The following GALNT7 variants were observed in gnomAD, a reference collection of about 807,000 sequenced individuals.
GALNT7 encodes the protein polypeptide N-acetylgalactosaminyltransferase 7.
A neutral mutation model predicts 82.1 loss-of-function variants in GALNT7; 60 were observed. That is an observed-to-expected ratio of 0.73 (90% CI 0.59 to 0.91). The LOEUF is 0.91. Among genes scored for constraint, GALNT7 ranks in the 40% least tolerant of loss-of-function variants. The pLI is 0.00. For missense variants in GALNT7, 660 were observed against 804.2 expected, an observed-to-expected ratio of 0.82 and a Z score of 2.17; for synonymous variants, 243 against 275.1, an observed-to-expected ratio of 0.88 and a Z score of 1.15.
intron 1 of GALNT7, among the ~76,000 whole-genome samples, chr4:173,229,932 T>C (rs1187780764): frequency 6.6e-6 from 1 of 152,152 alleles, no homozygotes; most frequent in Non-Finnish European, 1.5e-5. Context: ...GACTGACACA[T>C]TGGCAGGCTG....
chr4:173,175,057 C>T (rs1396904430), intron 1 of GALNT7, among the ~76,000 whole-genome samples: 1 of 152,128 alleles, frequency 6.6e-6, no homozygotes, highest in African/African-American at 2.4e-5. Flanking sequence ...GAAATTCTAA[C>T]TTGAGTTATT....
chr4:173,292,405 T>A lies in GALNT7; in HGVS notation c.754+131T>A. On this transcript the variant is annotated intron_variant, in intron 3 of 11. Coordinates refer to ENST00000265000, the MANE Select transcript of GALNT7 (RefSeq NM_017423.3). This position sits in a 1 kb window ranked among gnomAD's most constrained non-coding sequence, Gnocchi z 4.8. ...TTGATAGCATCTGTTATCAACAAGT[T>A]GACACTGTGCCAAGCATTGTATGTG... 1 of 592,396 alleles carries A rather than the reference T, an allele frequency of 1.7e-6. No individual in the cohort carries two copies. The highest frequency in any genetic ancestry group is 3.0e-6 in the Non-Finnish European group (1 of 336,908). The allele number at this position is 592,396 out of a possible 1,614,324, so 36.7% of individuals were successfully genotyped here.
intron 2 of GALNT7, among the ~76,000 whole-genome samples, chr4:173,267,563 A>C (rs566688255): frequency 6.6e-6 from 1 of 152,294 alleles, no homozygotes; most frequent in East Asian, 1.9e-4. Context: ...GACCAGCTTC[A>C]CAGGACCAGG....
intron 1 of GALNT7, among the ~76,000 whole-genome samples, chr4:173,174,047 T>C (rs148566198): frequency 4.0e-4 from 61 of 152,296 alleles, no homozygotes; most frequent in African/African-American, 1.3e-3. Flanking sequence ...AGCTATCACT[T>C]AGTGAAAGTG....
chr4:173,191,609 A>T (rs1732631504), intron 1 of GALNT7, among the ~76,000 whole-genome samples: 1 of 152,204 alleles, frequency 6.6e-6, no homozygotes, highest in South Asian at 2.1e-4. Flanking sequence ...CTGTGACAGA[A>T]ATTAGAGATG....
intron 2 of GALNT7, among the ~76,000 whole-genome samples, chr4:173,262,103 C>A (rs937329832): frequency 6.6e-6 from 1 of 152,076 alleles, no homozygotes; most frequent in Admixed American, 6.5e-5. Flanking sequence ...TCAGTCTATG[C>A]CCCTGGGTTG....
intron 1 of GALNT7, among the ~76,000 whole-genome samples, chr4:173,224,217 T>C (rs1274490747): frequency 6.6e-6 from 1 of 152,234 alleles, no homozygotes; most frequent in Non-Finnish European, 1.5e-5. Flanking sequence ...GACTACAGTT[T>C]CTTCTAAAAA....
intron 1 of GALNT7, among the ~76,000 whole-genome samples, chr4:173,176,627 G>A (rs1272287202): frequency 1.3e-5 from 2 of 152,328 alleles, no homozygotes; most frequent in East Asian, 3.9e-4. Context: ...TCCTGTGGGA[G>A]CACAGAGAAA....
chr4:173,214,730 A>C (rs1733386182), intron 1 of GALNT7, among the ~76,000 whole-genome samples: 1 of 152,146 alleles, frequency 6.6e-6, no homozygotes, highest in African/African-American at 2.4e-5. Flanking sequence ...GAGAGTTTAT[A>C]GAATGCCTTG....
intron 1 of GALNT7, among the ~76,000 whole-genome samples, chr4:173,203,463 G>C (rs1363461691): frequency 6.6e-6 from 1 of 152,184 alleles, no homozygotes; most frequent in Non-Finnish European, 1.5e-5. Flanking sequence ...TACATTCAAA[G>C]TAATTATTGA....
In GALNT7 at chr4:173,302,660, A is replaced by C. The variant is rs999429839; in HGVS notation, c.1266+496A>C. 1.3e-5 allele frequency among the ~76,000 whole-genome samples: 2 copies of C among 152,162 alleles called. No individual in the cohort carries two copies. Among genetic ancestry groups the C allele is most frequent in the African/African-American group, 4.8e-5 (2 of 41,432 alleles). On this transcript the variant is annotated intron_variant, in intron 7 of 11. Coordinates refer to ENST00000265000, the MANE Select transcript of GALNT7 (RefSeq NM_017423.3). This position sits in a 1 kb window ranked among gnomAD's most constrained non-coding sequence, Gnocchi z 4.2. ...CAGTCTGGGAGCAATACTATCTTCCATGCTCCAGCCCCCACCTCAACCCCT... is the reference window on the plus strand; with the variant it reads ...CAGTCTGGGAGCAATACTATCTTCCCTGCTCCAGCCCCCACCTCAACCCCT...
intron 2 of GALNT7, among the ~76,000 whole-genome samples, chr4:173,255,320 T>A (rs575901332): frequency 6.6e-6 from 1 of 152,296 alleles, no homozygotes; most frequent in South Asian, 2.1e-4. Flanking sequence ...ATGAGAGCCT[T>A]CCCACTCTCT....
chr4:173,298,002 T>A, intron 5 of GALNT7, 113 bp from the exon 6 acceptor site: 2 of 1,521,490 alleles, frequency 1.3e-6, no homozygotes, highest in East Asian at 4.8e-5. Context: ...TTTATTTTCT[T>A]ATGTTGAATG....
At chr4:173,308,111 A>T (rs1737227828) in intron 8 of GALNT7, among the ~76,000 whole-genome samples, 1 of 152,122 alleles carries the variant, frequency 6.6e-6, no homozygotes, top group Non-Finnish European at 1.5e-5. Flanking sequence ...TGTCCTATGT[A>T]GATATTCTTC....
chr4:173,220,726 C>T (rs1031451462), intron 1 of GALNT7, among the ~76,000 whole-genome samples: 2 of 147,030 alleles, frequency 1.4e-5, no homozygotes, highest in African/African-American at 5.0e-5. Flanking sequence ...TGTTCAGTTC[C>T]CACCTATGAG....
intron 1 of GALNT7, among the ~76,000 whole-genome samples, chr4:173,247,250 C>T (rs1002694159): frequency 6.6e-6 from 1 of 151,238 alleles, no homozygotes; most frequent in Non-Finnish European, 1.5e-5. Flanking sequence ...GTGATGAAGA[C>T]GGCCCAAACA....
chr4:173,282,823 G>A (rs1041044811), intron 2 of GALNT7, among the ~76,000 whole-genome samples: 3 of 152,170 alleles, frequency 2.0e-5, no homozygotes, highest in Admixed American at 6.5e-5. Context: ...CCTGATAACT[G>A]GTGGCTATAG....
At chr4:173,183,032 CCA>C (rs970879091) in intron 1 of GALNT7, among the ~76,000 whole-genome samples, 1 of 99,738 alleles carries the variant, frequency 1.0e-5, no homozygotes, top group African/African-American at 4.3e-5. Flanking sequence ...TACTCATAAT[CCA>C]CACACATAAA....
At chr4:173,318,873 A>G (rs1000984114) in intron 11 of GALNT7, among the ~76,000 whole-genome samples, 2 of 152,106 alleles carry the variant, frequency 1.3e-5, no homozygotes, top group African/African-American at 4.8e-5. Context: ...CTCTCATCAA[A>G]ATCTGATTTT....
Sources: allele counts gnomAD v4.1 joint callset (sites outside exome capture counted in the v4.1 genomes callset), GRCh38; gene constraint gnomAD v4.1.1; non-coding constraint Gnocchi (gnomAD v3.1); transcripts MANE v1.5; gene names NCBI Gene and HGNC (gene_info 2026-07-23, HGNC 2026-07-21).